Variants in STK4 observed in about 807,000 individuals in gnomAD.
STK4 encodes the protein serine/threonine kinase 4.
In STK4, 30 loss-of-function variants were observed where a neutral mutation model predicts 64.9. The observed-to-expected ratio is 0.46, with a 90% CI of 0.35 to 0.63. The LOEUF (loss-of-function observed/expected upper bound fraction) is 0.63. Ranked by LOEUF, STK4 falls within the 20% of genes least tolerant of loss-of-function variation. The probability of loss-of-function intolerance (pLI) is 0.01; values close to 1 mark genes in which losing one functional copy is unlikely to be tolerated. For missense variants in STK4, 466 were observed against 598.5 expected, an observed-to-expected ratio of 0.78 and a Z score of 2.31; for synonymous variants, 177 against 199.0, an observed-to-expected ratio of 0.89 and a Z score of 0.93.
intron 7 of STK4, among the ~76,000 whole-genome samples, chr20:44,998,992 C>T (rs1436204953): frequency 3.3e-5 from 5 of 151,022 alleles, no homozygotes; most frequent in East Asian, 1.9e-4. Context: ...CACTTGAACC[C>T]GGGAGGCAGA....
chr20:45,007,654 T>C (rs2067972361), intron 9 of STK4: 1 of 269,422 alleles, frequency 3.7e-6, no homozygotes, highest in South Asian at 3.7e-5. Context: ...AGGCGTTAGA[T>C]CCATAATAGA....
intron 8 of STK4, 46 bp downstream of exon 8, chr20:45,000,566 A>G (rs1041236849): frequency 2.5e-6 from 4 of 1,610,350 alleles, no homozygotes; most frequent in African/African-American, 1.3e-5. Flanking sequence ...GATGCTTGTT[A>G]TTTTATGATT....
chr20:44,990,733 C>G (rs1326049497), intron 5 of STK4, among the ~76,000 whole-genome samples: 1 of 152,104 alleles, frequency 6.6e-6, no homozygotes, highest in Non-Finnish European at 1.5e-5. Context: ...GAGTACACCT[C>G]CAGTCTAATG....
chr20:45,026,318 AGTGTGTGTGTGTGT>A (rs113148879), intron 10 of STK4, among the ~76,000 whole-genome samples: 5 of 145,686 alleles, frequency 3.4e-5, no homozygotes, highest in East Asian at 2.0e-4. Flanking sequence ...AGACAGAAAG[AGTGTGTGTGTGTGT>A]GTGTGTGTGT....
At chr20:45,040,571 A>G (rs78832442) in intron 10 of STK4, among the ~76,000 whole-genome samples, 4,270 of 151,500 alleles carry the variant, frequency 0.028, 186 homozygotes, top group African/African-American at 0.093. Flanking sequence ...TTCTAGTATG[A>G]TGAGATGTGA....
chr20:45,040,682 T>G (rs928839192), intron 10 of STK4, among the ~76,000 whole-genome samples: 1 of 151,884 alleles, frequency 6.6e-6, no homozygotes, highest in African/African-American at 2.4e-5. Flanking sequence ...GAAATGGTAA[T>G]TAGAGACCAC....
intron 9 of STK4, among the ~76,000 whole-genome samples, chr20:45,024,567 G>A (rs988219713): frequency 1.3e-5 from 2 of 152,084 alleles, no homozygotes; most frequent in African/African-American, 4.8e-5. Context: ...CTACTTAAAT[G>A]CCTATAGAGA....
At chr20:45,048,194 A>T (rs937655124) in intron 10 of STK4, among the ~76,000 whole-genome samples, 1 of 152,350 alleles carries the variant, frequency 6.6e-6, no homozygotes, top group East Asian at 1.9e-4. Flanking sequence ...TGCTGGTTTC[A>T]TTATTTATGG....
At chr20:45,046,690 T>A (rs1600532129) in intron 10 of STK4, among the ~76,000 whole-genome samples, 1 of 151,666 alleles carries the variant, frequency 6.6e-6, no homozygotes, top group African/African-American at 2.4e-5. Flanking sequence ...TATTTATTTA[T>A]TTTTTTTCCG....
chr20:44,974,463 T>C (rs2145636240), intron 2 of STK4: 1 of 152,260 alleles, frequency 6.6e-6, no homozygotes, highest in African/African-American at 2.4e-5. Flanking sequence ...TTTCCAAACA[T>C]GTGACACAAT....
At chr20:44,988,598 T>C (rs1029069429) in intron 5 of STK4, among the ~76,000 whole-genome samples, 3 of 145,300 alleles carry the variant, frequency 2.1e-5, no homozygotes, top group Non-Finnish European at 3.0e-5. Context: ...ATTTTAGTAA[T>C]TGATTGATTA....
chr20:45,058,247 G>A (rs1446686757), intron 10 of STK4, among the ~76,000 whole-genome samples: 1 of 151,996 alleles, frequency 6.6e-6, no homozygotes, highest in African/African-American at 2.4e-5. Context: ...TTGCTTGAGA[G>A]GGTATTTCTT....
intron 5 of STK4, among the ~76,000 whole-genome samples, chr20:44,990,785 G>C (rs1206428077): frequency 6.6e-6 from 1 of 152,328 alleles, no homozygotes; most frequent in South Asian, 2.1e-4. Context: ...CTTGATGGGA[G>C]AGGAAGGTTT....
chr20:44,987,547 T>G (rs1040276996), intron 5 of STK4, among the ~76,000 whole-genome samples: 1 of 152,156 alleles, frequency 6.6e-6, no homozygotes, highest in African/African-American at 2.4e-5. Context: ...GATAGATTAC[T>G]CTAGTGCACT....
intron 10 of STK4, among the ~76,000 whole-genome samples, chr20:45,069,839 A>T (rs898582854): frequency 1.3e-5 from 2 of 152,246 alleles, no homozygotes; most frequent in South Asian, 2.1e-4. Flanking sequence ...TACAGAACTT[A>T]TATCCTAGTA....
intron 1 of STK4, among the ~76,000 whole-genome samples, chr20:44,971,082 TAC>T (rs142027582): frequency 0.096 from 13,107 of 136,304 alleles, 868 homozygotes; most frequent in African/African-American, 0.18. Flanking sequence ...TTGTGTAGAC[TAC>T]ACACACACAC....
chr20:45,063,981 G>A (rs1979335137), intron 10 of STK4, among the ~76,000 whole-genome samples: 1 of 151,960 alleles, frequency 6.6e-6, no homozygotes, highest in Admixed American at 6.6e-5. Context: ...CTAATTTTTT[G>A]TATGTTTTAG....
intron 10 of STK4, among the ~76,000 whole-genome samples, chr20:45,047,511 G>A (rs76418030): frequency 0.028 from 4,275 of 152,032 alleles, 183 homozygotes; most frequent in African/African-American, 0.092. Flanking sequence ...ATGTTATTTG[G>A]GCCCATTGTG....
chr20:44,988,699 T>C (rs928250912), intron 5 of STK4, among the ~76,000 whole-genome samples: 4 of 151,722 alleles, frequency 2.6e-5, no homozygotes, highest in African/African-American at 9.7e-5. Flanking sequence ...CAGTGTTTAG[T>C]ATATTCACAA....
Sources: allele counts gnomAD v4.1 joint callset (sites outside exome capture counted in the v4.1 genomes callset), GRCh38; gene constraint gnomAD v4.1.1; transcripts MANE v1.5; gene names NCBI Gene and HGNC (gene_info 2026-07-23, HGNC 2026-07-21).